ROBO2: variants seen among roughly 807,000 people sequenced by gnomAD.
The protein encoded by ROBO2 is roundabout homolog 2.
In ROBO2, 53 loss-of-function variants were observed where a neutral mutation model predicts 160.8. The observed-to-expected ratio is 0.33, with a 90% CI of 0.26 to 0.41. ROBO2 has a LOEUF of 0.41. Among genes scored for constraint, ROBO2 ranks in the 10% least tolerant of loss-of-function variants. The pLI is 1.00. For synonymous variants in ROBO2, 664 were observed against 611.7 expected, an observed-to-expected ratio of 1.09 and a Z score of -1.26; for missense variants, 1,577 against 1,722.4, an observed-to-expected ratio of 0.92 and a Z score of 1.49.
chr3:77,324,396 A>G (rs2065138605), intron 2 of ROBO2, among the ~76,000 whole-genome samples: 1 of 152,194 alleles, frequency 6.6e-6, no homozygotes, highest in Admixed American at 6.5e-5. Context: ...GTGACCTGCC[A>G]ACATATTCCA....
At chr3:77,313,475 G>A (rs568400814) in intron 2 of ROBO2, among the ~76,000 whole-genome samples, 11 of 152,168 alleles carry the variant, frequency 7.2e-5, no homozygotes, top group African/African-American at 2.7e-4. Context: ...TATTCCTCAT[G>A]TCTAGCTGTA....
At chr3:76,026,544 A>G (rs1221968005) in intron 2 of ROBO2, among the ~76,000 whole-genome samples, 1 of 151,964 alleles carries the variant, frequency 6.6e-6, no homozygotes, top group Non-Finnish European at 1.5e-5. Flanking sequence ...AAACTATCAG[A>G]TAAAATACAT....
chr3:77,468,929 C>A (rs1467709091), intron 2 of ROBO2, among the ~76,000 whole-genome samples: 1 of 152,144 alleles, frequency 6.6e-6, no homozygotes, highest in Non-Finnish European at 1.5e-5. Context: ...CCACTGAGTT[C>A]TTTCTTTCCC....
chr3:76,193,610 A>G (rs769329893), intron 2 of ROBO2, among the ~76,000 whole-genome samples: 3 of 152,154 alleles, frequency 2.0e-5, no homozygotes, highest in Non-Finnish European at 4.4e-5. Context: ...TAATTTGTTC[A>G]TTTAGTCTTG....
chr3:76,667,949 T>C (rs2092116396), intron 2 of ROBO2, among the ~76,000 whole-genome samples: 1 of 152,180 alleles, frequency 6.6e-6, no homozygotes, highest in African/African-American at 2.4e-5. Context: ...TTTTTATCCA[T>C]AGATTTTGTC....
intron 20 of ROBO2, 101 bp from the exon 22 acceptor site, chr3:77,607,697 A>G (rs1161770232): frequency 8.7e-6 from 9 of 1,036,760 alleles, no homozygotes; most frequent in Non-Finnish European, 1.2e-5. Flanking sequence ...ACTCCAACAT[A>G]CTGATTCTGG....
intron 2 of ROBO2, among the ~76,000 whole-genome samples, chr3:76,544,070 T>C (rs190185525): frequency 3.9e-4 from 60 of 152,176 alleles, no homozygotes; most frequent in African/African-American, 1.4e-3. Context: ...AAAAATCTCA[T>C]TCCCACAATA....
chr3:76,732,037 AC>A, intron 2 of ROBO2, among the ~76,000 whole-genome samples: 1 of 152,176 alleles, frequency 6.6e-6, no homozygotes, highest in Non-Finnish European at 1.5e-5. Flanking sequence ...CAGTTATTTC[AC>A]CCGGGAATCA....
intron 2 of ROBO2, among the ~76,000 whole-genome samples, chr3:76,904,970 A>G (rs1166993): frequency 0.51 from 76,910 of 151,996 alleles, 19,593 homozygotes; most frequent in Middle Eastern, 0.65. Context: ...ATAAGTAATG[A>G]AAAGTGATTA....
At chr3:76,664,039 A>G (rs1201289354) in intron 2 of ROBO2, among the ~76,000 whole-genome samples, 1 of 152,174 alleles carries the variant, frequency 6.6e-6, no homozygotes, top group Admixed American at 6.5e-5. Flanking sequence ...TAGAGAAAGC[A>G]TTTTAGTTCC....
chr3:77,318,746 A>T (rs1168589849), intron 2 of ROBO2, among the ~76,000 whole-genome samples: 1 of 152,210 alleles, frequency 6.6e-6, no homozygotes, highest in Non-Finnish European at 1.5e-5. Flanking sequence ...TACAATGCCT[A>T]GGATACAGTA....
chr3:77,568,193 G>C, intron 12 of ROBO2, 120 bp from the exon 14 acceptor site: 1 of 1,083,482 alleles, frequency 9.2e-7, no homozygotes, highest in Non-Finnish European at 1.4e-6. Flanking sequence ...TGTCACAAGA[G>C]AGTTTTCGTT....
chr3:77,089,866 G>A (rs1578867507), intron 1 of ROBO2, among the ~76,000 whole-genome samples: 1 of 152,118 alleles, frequency 6.6e-6, no homozygotes, highest in East Asian at 1.9e-4. Context: ...TTCAAAGATG[G>A]AAAAGTTGTT....
intron 2 of ROBO2, among the ~76,000 whole-genome samples, chr3:75,979,769 G>T (rs1207305231): frequency 1.3e-5 from 2 of 151,556 alleles, no homozygotes; most frequent in Admixed American, 6.6e-5. Flanking sequence ...AAGCCTGAAA[G>T]CTACACATTG....
chr3:76,277,292 T>C (rs900884354), intron 2 of ROBO2, among the ~76,000 whole-genome samples: 3 of 152,044 alleles, frequency 2.0e-5, no homozygotes, highest in South Asian at 2.1e-4. Context: ...ATGTATCAGC[T>C]GTTAAACAAC....
At chr3:76,948,898 ATATATATATATT>A (rs1221081024) in intron 2 of ROBO2, among the ~76,000 whole-genome samples, 31 of 31,366 alleles carry the variant, frequency 9.9e-4, no homozygotes, top group African/African-American at 1.2e-3. Context: ...ATATATATAT[ATATATATATATT>A]TTTTTTTTTT....
At chr3:77,593,921 A>T (rs1365367344) in intron 17 of ROBO2, among the ~76,000 whole-genome samples, 2 of 152,166 alleles carry the variant, frequency 1.3e-5, no homozygotes, top group Non-Finnish European at 2.9e-5. Context: ...TAGTAAATAT[A>T]ATCAACCCCT....
chr3:77,047,139 C>T (rs567863398), intron 1 of ROBO2, among the ~76,000 whole-genome samples: 1 of 152,020 alleles, frequency 6.6e-6, no homozygotes, highest in Admixed American at 6.5e-5. Context: ...AAGAAGTAAC[C>T]AGAAAAATGG....
chr3:77,561,217 C>T (rs760177816), intron 9 of ROBO2, among the ~76,000 whole-genome samples: 3 of 152,300 alleles, frequency 2.0e-5, no homozygotes, highest in Middle Eastern at 6.8e-3. Context: ...AAGCTTGAGT[C>T]ATCAACACAC....
Sources: allele counts gnomAD v4.1 joint callset (sites outside exome capture counted in the v4.1 genomes callset), GRCh38; gene constraint gnomAD v4.1.1; transcripts MANE v1.5; gene names NCBI Gene and HGNC (gene_info 2026-07-23, HGNC 2026-07-21).